Variants in CDK19 observed in about 807,000 individuals in gnomAD.
CDK19 encodes cyclin dependent kinase 19, also known as cyclin-dependent kinase 19.
CDK19 carries 20 observed loss-of-function variants against 68.3 expected under a neutral mutation model. That is an observed-to-expected ratio of 0.29 (90% CI 0.21 to 0.43). The LOEUF is 0.43. Ranked by LOEUF, CDK19 falls within the 20% of genes least tolerant of loss-of-function variation. The pLI is 1.00. For missense variants in CDK19, 339 were observed against 623.5 expected (o/e 0.54, Z 4.86); for synonymous variants, 221 against 222.8 (o/e 0.99, Z 0.07).
intron 2 of CDK19, among the ~76,000 whole-genome samples, chr6:110,720,971 C>T (rs1182090512): frequency 6.6e-6 from 1 of 152,040 alleles, no homozygotes; most frequent in Non-Finnish European, 1.5e-5. Flanking sequence ...GGCGTGGTGG[C>T]CCACACCTGT....
At chr6:110,739,414 C>G (rs1777486489) in intron 2 of CDK19, among the ~76,000 whole-genome samples, 1 of 152,110 alleles carries the variant, frequency 6.6e-6, no homozygotes. Flanking sequence ...TCCTGGACTT[C>G]CCAGCCTCCA....
chr6:110,734,445 C>G (rs1446807132), intron 2 of CDK19, among the ~76,000 whole-genome samples: 2 of 151,036 alleles, frequency 1.3e-5, no homozygotes, highest in Admixed American at 1.3e-4. Context: ...TTAATAACTA[C>G]AGTTTGGTAG....
intron 2 of CDK19, among the ~76,000 whole-genome samples, chr6:110,729,244 C>T (rs1776567922): frequency 6.6e-6 from 1 of 151,980 alleles, no homozygotes; most frequent in African/African-American, 2.4e-5. Context: ...GAATTTGCTC[C>T]CCCAAACCAT....
chr6:110,756,545 C>A (rs1452507841), intron 1 of CDK19, among the ~76,000 whole-genome samples: 10 of 150,384 alleles, frequency 6.6e-5, no homozygotes, highest in African/African-American at 2.5e-4. Context: ...CTGGGCAAGA[C>A]CCTGTCTTAA....
chr6:110,693,715 C>T lies in CDK19; in HGVS notation c.205-23174G>A, dbSNP rs145917637. The stretch of plus-strand genomic sequence containing the variant: ...AACATAATCCCATTGGCTTAAGAAC[C>T]ACCCCATCCCCCATACTGGCCACAG... On this transcript the variant is annotated intron_variant, in intron 2 of 12. Coordinates refer to ENST00000368911, the MANE Select transcript of CDK19 (RefSeq NM_015076.5). 1.3e-5 allele frequency among the ~76,000 whole-genome samples: 2 copies of T among 152,170 alleles called. 1 individual carries two copies. Among genetic ancestry groups the T allele is most frequent in the Non-Finnish European group, 2.9e-5 (2 of 68,022 alleles).
intron 4 of CDK19, among the ~76,000 whole-genome samples, chr6:110,655,990 T>C (rs747067528): frequency 6.6e-6 from 1 of 152,196 alleles, no homozygotes; most frequent in Non-Finnish European, 1.5e-5. Context: ...TTCTTCTCTA[T>C]GCCCTTATTC....
intron 1 of CDK19, 81 bp downstream of exon 1, chr6:110,814,928 G>A (rs778405421): frequency 6.3e-7 from 1 of 1,578,324 alleles, no homozygotes; most frequent in Non-Finnish European, 8.6e-7. Flanking sequence ...CGGCCCGACT[G>A]GGATCCGACC....
chr6:110,621,142 C>T lies in CDK19; in HGVS notation c.1339G>A (p.Ala447Thr), dbSNP rs1450585259. Residue 447 changes from alanine (A) to threonine (T), a missense_variant, in exon 12 of 13, where the codon GCA becomes ACA. Coordinates refer to ENST00000368911, the MANE Select transcript of CDK19 (RefSeq NM_015076.5). The surrounding 1 kb of genome is among the most constrained non-coding windows in gnomAD (Gnocchi z 5.4). Reference protein sequence around the residue: ...NKKPRLGPSGANSGGPVMPSD... With the variant: ...NKKPRLGPSGTNSGGPVMPSD... ...GGCATCACAGGTCCACCTGAGTTTG[C>T]GCCTGAAGGCCCTAGCCGTGGCTTC... is the stretch of plus-strand genomic sequence containing the variant. 6 of 1,613,770 alleles carry T rather than the reference C, an allele frequency of 3.7e-6. No individual in the cohort carries two copies. Among genetic ancestry groups the T allele is most frequent in the Non-Finnish European group, 5.1e-6 (6 of 1,179,882 alleles).
intron 2 of CDK19, among the ~76,000 whole-genome samples, chr6:110,711,277 G>C (rs73526588): frequency 0.019 from 2,919 of 152,188 alleles, 99 homozygotes; most frequent in African/African-American, 0.067. Flanking sequence ...GGTTAACAAA[G>C]AAATAAATTG....
chr6:110,734,664 C>T (rs901732060), intron 2 of CDK19, among the ~76,000 whole-genome samples: 4 of 151,896 alleles, frequency 2.6e-5, no homozygotes, highest in Non-Finnish European at 4.4e-5. Context: ...TATGCTACCA[C>T]AAAATCCCCA....
At chr6:110,707,033 G>A (rs1164918899) in intron 2 of CDK19, among the ~76,000 whole-genome samples, 4 of 147,608 alleles carry the variant, frequency 2.7e-5, no homozygotes, top group East Asian at 2.0e-4. Context: ...GAAGGCAGCC[G>A]GGCACGGTGG....
intron 2 of CDK19, among the ~76,000 whole-genome samples, chr6:110,709,109 G>C (rs1035070924): frequency 6.6e-6 from 1 of 152,050 alleles, no homozygotes; most frequent in Non-Finnish European, 1.5e-5. Context: ...TGCAGAAAAG[G>C]CCTTCATACT....
At chr6:110,739,892 A>G (rs1207788714) in intron 2 of CDK19, among the ~76,000 whole-genome samples, 1 of 151,924 alleles carries the variant, frequency 6.6e-6, no homozygotes, top group Non-Finnish European at 1.5e-5. Context: ...ATCCCACCTC[A>G]GTCTCCCAAA....
chr6:110,643,907 T>C (rs1177616897), intron 4 of CDK19, among the ~76,000 whole-genome samples: 2 of 152,026 alleles, frequency 1.3e-5, no homozygotes, highest in South Asian at 2.1e-4. Context: ...TGAGACCCCA[T>C]CTCACTATTA....
rs57653696 is a variant in CDK19, at chr6:110,783,637, C to CA, written c.128+31371dup. On this transcript the variant is annotated intron_variant, in intron 1 of 12. Transcript: ENST00000368911. ...TGGGTGACAGAGTGAGATTCTGTCT[C>CA]AAAAAAAAAAAAGAAAAAAAAAAGC... is the stretch of plus-strand genomic sequence containing the variant. 0.035 allele frequency among the ~76,000 whole-genome samples: 3,130 copies of CA among 88,950 alleles called. 305 individuals carry two copies. In the East Asian group the frequency reaches 0.42, roughly 12 times the overall value. The allele number at this position is 88,950 out of a possible 152,430, so 58.4% of individuals were successfully genotyped here. A position where few individuals can be genotyped will look rare whatever the true frequency, so the allele number is the denominator to read the frequency against.
chr6:110,700,275 A>G (rs1448657064), intron 2 of CDK19, among the ~76,000 whole-genome samples: 1 of 152,212 alleles, frequency 6.6e-6, no homozygotes, highest in African/African-American at 2.4e-5. Flanking sequence ...ATATGTTACA[A>G]TGTAGTAATA....
At chr6:110,676,601 T>C (rs539670840) in intron 2 of CDK19, among the ~76,000 whole-genome samples, 2 of 152,306 alleles carry the variant, frequency 1.3e-5, no homozygotes, top group South Asian at 4.1e-4. Flanking sequence ...CTCTAATCAG[T>C]TAGCAGCCAT....
chr6:110,612,854 G>A lies in CDK19; in HGVS notation c.*1681C>T, dbSNP rs1018388741. The stretch of plus-strand genomic sequence containing the variant: ...AGCATTATTATGCTGAGATCAGTAA[G>A]GTCCTGGCTGGCTACAGTATCACAT... On this transcript the variant is annotated 3_prime_UTR_variant, in exon 13 of 13. Transcript: ENST00000368911. 2 of 152,622 alleles carry A rather than the reference G, an allele frequency of 1.3e-5. No homozygotes were observed. The highest frequency in any genetic ancestry group is 4.8e-5 in the African/African-American group (2 of 41,442). 9.5% of individuals were successfully genotyped at this position (152,622 alleles called of 1,614,324 possible).
intron 6 of CDK19, among the ~76,000 whole-genome samples, chr6:110,630,765 A>G (rs1248213065): frequency 6.6e-6 from 1 of 152,210 alleles, no homozygotes; most frequent in African/African-American, 2.4e-5. Flanking sequence ...TGTCAAACAC[A>G]TACCAGTTTA....
Sources: gnomAD v4.1 joint callset for allele counts (sites outside exome capture counted in the v4.1 genomes callset) on GRCh38, gnomAD v4.1.1 for gene constraint, Gnocchi (gnomAD v3.1) non-coding constraint, MANE v1.5 for transcripts, NCBI Gene and HGNC (gene_info 2026-07-23, HGNC 2026-07-21) for gene names.